Variants in ZPBP observed in about 807,000 individuals in gnomAD.
ZPBP encodes zona pellucida-binding protein 1.
In ZPBP, 26 loss-of-function variants were observed where a neutral mutation model predicts 44.8. That is an observed-to-expected ratio of 0.58 (90% CI 0.43 to 0.81). The LOEUF (loss-of-function observed/expected upper bound fraction) is 0.81. Ranked by LOEUF, ZPBP falls within the 30% of genes least tolerant of loss-of-function variation. The pLI is 0.00. For missense variants in ZPBP, 409 were observed against 434.0 expected (o/e 0.94, Z 0.51); for synonymous variants, 174 against 153.2 (o/e 1.14, Z -1.00).
chr7:50,010,852 C>T (rs1355377453), intron 6 of ZPBP, among the ~76,000 whole-genome samples: 1 of 147,740 alleles, frequency 6.8e-6, no homozygotes, highest in East Asian at 2.0e-4. Context: ...AAAAAATAAT[C>T]CTAAAATTTA....
chr7:50,038,708 G>A (rs778579174), intron 4 of ZPBP, among the ~76,000 whole-genome samples: 5 of 152,098 alleles, frequency 3.3e-5, no homozygotes, highest in African/African-American at 4.8e-5. Flanking sequence ...AACAACAAAC[G>A]GCATATACAA....
chr7:49,974,729 G>C (rs1796429251), intron 7 of ZPBP, among the ~76,000 whole-genome samples: 1 of 29,798 alleles, frequency 3.4e-5, no homozygotes, highest in Non-Finnish European at 7.6e-5. Flanking sequence ...TTCATCATCT[G>C]ATGTTGAACT....
At chr7:50,062,742 C>G (rs1042285859) in intron 3 of ZPBP, among the ~76,000 whole-genome samples, 1 of 152,104 alleles carries the variant, frequency 6.6e-6, no homozygotes, top group Non-Finnish European at 1.5e-5. Flanking sequence ...CTCTACTGAT[C>G]ATTCTTCCTG....
intron 2 of ZPBP, among the ~76,000 whole-genome samples, chr7:50,082,724 C>A (rs1802430393): frequency 6.6e-6 from 1 of 151,726 alleles, no homozygotes; most frequent in Admixed American, 6.6e-5. Flanking sequence ...CATACCCTTC[C>A]ACAGGTTAAG....
intron 2 of ZPBP, among the ~76,000 whole-genome samples, chr7:49,894,526 A>G (rs1200223924): frequency 2.6e-5 from 4 of 152,250 alleles, no homozygotes; most frequent in Admixed American, 2.6e-4. Context: ...CAGCTGTGAT[A>G]CTTTTATTTC....
intron 7 of ZPBP, among the ~76,000 whole-genome samples, chr7:49,949,748 G>A (rs911993917): frequency 5.3e-5 from 8 of 152,048 alleles, no homozygotes; most frequent in African/African-American, 1.7e-4. Context: ...TAATGCCACT[G>A]TGTATTTAAA....
intron 6 of ZPBP, among the ~76,000 whole-genome samples, chr7:49,986,754 G>A (rs1392575653): frequency 1.3e-5 from 2 of 152,014 alleles, no homozygotes; most frequent in Non-Finnish European, 2.9e-5. Flanking sequence ...TCTCCATAAA[G>A]TTTTATTTAT....
chr7:49,901,538 A>T, intron 1 of ZPBP, among the ~76,000 whole-genome samples: 1 of 151,906 alleles, frequency 6.6e-6, no homozygotes, highest in East Asian at 1.9e-4. Context: ...ATATAAAATT[A>T]TGATAGAAAA....
chr7:49,911,003 T>A (rs980933289), intron 1 of ZPBP, among the ~76,000 whole-genome samples: 2 of 152,216 alleles, frequency 1.3e-5, no homozygotes, highest in Non-Finnish European at 2.9e-5. Flanking sequence ...ATACTGAATT[T>A]ATGTCACTTC....
chr7:50,083,017 A>G (rs1036062955), intron 2 of ZPBP, among the ~76,000 whole-genome samples: 16 of 151,918 alleles, frequency 1.1e-4, no homozygotes, highest in Admixed American at 2.6e-4. Context: ...ACAGCAGCAC[A>G]CAGCATCATT....
intron 2 of ZPBP, among the ~76,000 whole-genome samples, chr7:49,889,728 A>G (rs961638296): frequency 6.6e-6 from 1 of 152,178 alleles, no homozygotes; most frequent in Non-Finnish European, 1.5e-5. Context: ...TGGAAGAAAA[A>G]AGAACTTATT....
At chr7:49,897,378 C>T (rs1403466743) in intron 2 of ZPBP, among the ~76,000 whole-genome samples, 2 of 151,994 alleles carry the variant, frequency 1.3e-5, no homozygotes, top group African/African-American at 4.8e-5. Context: ...TGAATACTGC[C>T]ACAAAATTTC....
chr7:49,856,360 T>G (rs975064590), intron 2 of ZPBP, among the ~76,000 whole-genome samples: 1 of 152,162 alleles, frequency 6.6e-6, no homozygotes, highest in Non-Finnish European at 1.5e-5. Flanking sequence ...GCTCCCTCTT[T>G]CAACGTGATA....
intron 2 of ZPBP, among the ~76,000 whole-genome samples, chr7:49,854,243 C>T (rs1343397128): frequency 6.6e-6 from 1 of 152,072 alleles, no homozygotes; most frequent in Non-Finnish European, 1.5e-5. Context: ...AATGGGATGG[C>T]TGGGTCAAAT....
chr7:50,019,419 G>C (rs1264737629), intron 5 of ZPBP, among the ~76,000 whole-genome samples: 1 of 151,908 alleles, frequency 6.6e-6, no homozygotes, highest in Non-Finnish European at 1.5e-5. Flanking sequence ...CACTTCCTTA[G>C]AACCCATAAA....
chr7:49,988,600 T>C (rs1426805377), intron 6 of ZPBP, among the ~76,000 whole-genome samples: 1 of 152,224 alleles, frequency 6.6e-6, no homozygotes, highest in Non-Finnish European at 1.5e-5. Context: ...TTGTTAGTCA[T>C]GTTTCTAACT....
At chr7:49,935,623 T>C (rs1173476756), downstream of ZPBP, 2 of 152,344 alleles carry the variant, frequency 1.3e-5, no homozygotes, top group African/African-American at 2.4e-5. Context: ...GGTCTCGAAC[T>C]CCTGACCTTG....
intron 2 of ZPBP, among the ~76,000 whole-genome samples, chr7:49,882,851 G>A (rs1044584722): frequency 6.6e-6 from 1 of 151,684 alleles, no homozygotes; most frequent in Non-Finnish European, 1.5e-5. Context: ...TGTGTTTTTG[G>A]GTTTTTTTTG....
chr7:50,062,838 T>G (rs1221462211), intron 3 of ZPBP, among the ~76,000 whole-genome samples: 2 of 152,198 alleles, frequency 1.3e-5, no homozygotes, highest in African/African-American at 4.8e-5. Flanking sequence ...GTGCCTGGTT[T>G]TAACTTCATA....
Sources: gnomAD v4.1 joint callset for allele counts (sites outside exome capture counted in the v4.1 genomes callset) on GRCh38, gnomAD v4.1.1 for gene constraint, MANE v1.5 for transcripts, NCBI Gene and HGNC (gene_info 2026-07-23, HGNC 2026-07-21) for gene names.